TEKT4: variants seen among roughly 807,000 people sequenced by gnomAD.
TEKT4 encodes tektin-4.
TEKT4 carries 46 observed loss-of-function variants against 46.0 expected under a neutral mutation model. The observed-to-expected ratio is 1.00, with a 90% CI of 0.79 to 1.28. The LOEUF is 1.28. Ranked by LOEUF, TEKT4 falls within the 50% of genes most tolerant of loss-of-function variation. The probability of loss-of-function intolerance (pLI) is 0.00; values close to 1 mark genes in which losing one functional copy is unlikely to be tolerated. For synonymous variants in TEKT4, 325 were observed against 265.8 expected (o/e 1.22, Z -2.17); for missense variants, 790 against 622.9 (o/e 1.27, Z -2.85).
At chr2:94,873,623 G>C in intron 2 of TEKT4, 33 bp downstream of exon 2, 3 of 1,612,936 alleles carry the variant, frequency 1.9e-6, no homozygotes, top group Non-Finnish European at 2.5e-6. Context: ...GATGATTCCT[G>C]ACCCTACCCA....
At chr2:94,876,253 G>C (rs184809214) in intron 5 of TEKT4, among the ~76,000 whole-genome samples, 70 of 152,270 alleles carry the variant, frequency 4.6e-4, no homozygotes, top group African/African-American at 1.7e-3. Flanking sequence ...GGAACTGGGG[G>C]CCTCCTTCCA....
At chr2:94,872,498 C>T (rs1282395102) in intron 1 of TEKT4, 6 of 315,150 alleles carry the variant, frequency 1.9e-5, no homozygotes, top group Non-Finnish European at 1.9e-5. Flanking sequence ...TATACAGAGC[C>T]GGGGACACAA....
rs782222012 is a variant in TEKT4, at chr2:94,871,784, A to C, written c.205A>C (p.Ser69Arg). 1.5e-5 allele frequency: 24 copies of C among 1,611,868 alleles called. No homozygotes were observed. In the East Asian group the frequency reaches 4.9e-4, roughly 33 times the overall value. The change falls in exon 1 of 6, where the codon AGC (serine) becomes CGC (arginine). Residue 69 changes from serine (S) to arginine (R), a missense_variant. By Grantham distance (110) the Ser-to-Arg change is moderately radical. Coordinates refer to ENST00000295201, the MANE Select transcript of TEKT4 (RefSeq NM_144705.4). ...RDQSERQRHE[S>R]QQLATETQAL... is the part of the protein sequence containing the mutation. Reference sequence around the variant, plus strand: ...CCAGTCGGAGCGGCAGCGGCACGAGAGCCAGCAGCTGGCCACAGAGACCCA... The same window carrying C: ...CCAGTCGGAGCGGCAGCGGCACGAGCGCCAGCAGCTGGCCACAGAGACCCA...
rs1241284283 is a variant in TEKT4, at chr2:94,876,784, C to A, written c.*15C>A. 6.2e-6 allele frequency: 10 copies of A among 1,600,178 alleles called. No individual in the cohort carries two copies. The highest frequency in any genetic ancestry group is 6.8e-6 in the Non-Finnish European group (8 of 1,178,266). On this transcript the variant is annotated 3_prime_UTR_variant, in exon 6 of 6. Coordinates refer to ENST00000295201, the MANE Select transcript of TEKT4 (RefSeq NM_144705.4). Reference sequence around the variant, plus strand: ...GCTACCAGTGAGCAGCGGCACGGTGCTTCCCCCCAGTCCCCCAAATAAACA... The same window carrying A: ...GCTACCAGTGAGCAGCGGCACGGTGATTCCCCCCAGTCCCCCAAATAAACA...
chr2:94,871,496 G>GC lies in TEKT4; in HGVS notation c.-80dup, dbSNP rs869254023. 6 of 1,447,692 alleles carry GC rather than the reference G, an allele frequency of 4.1e-6. No individual in the cohort carries two copies. 89.7% of individuals were successfully genotyped at this position (1,447,692 alleles called of 1,614,324 possible). A position where few individuals can be genotyped will look rare whatever the true frequency, so the allele number is the denominator to read the frequency against. On this transcript the variant is annotated 5_prime_UTR_variant, in exon 1 of 6. Transcript: ENST00000295201. ...GCTCTGGGACTGAGCCGTTGGAGCT[G>GC]CCCCGCTGACCGCACTAGGCTGACC...
rs1553396762 is a variant in TEKT4 at position 94,876,720 on chromosome 2, C to T, written c.1259C>T (p.Ala420Val). Residue 420 changes from alanine to valine, a missense_variant, in exon 6 of 6, where the codon GCC (alanine) becomes GTC (valine). By Grantham distance (64) the Ala-to-Val change is moderately conservative (BLOSUM62 0). Transcript: ENST00000295201. The part of the protein sequence containing the change: ...SLFIDRQKCM[A>V]HRTRYPTILQ... Reference sequence around the variant, plus strand: ...TTCATCGACCGCCAGAAGTGCATGGCCCATCGTACTCGCTACCCCACCATC... The same window carrying T: ...TTCATCGACCGCCAGAAGTGCATGGTCCATCGTACTCGCTACCCCACCATC... The T allele has an allele frequency of 1.3e-5, 21 of 1,611,606 alleles. No individual in the cohort carries two copies. The Admixed American group carries it at 2.8e-4, about 22-fold the overall frequency.
At chr2:94,872,594 G>A in intron 1 of TEKT4, 4 of 338,266 alleles carry the variant, frequency 1.2e-5, no homozygotes, top group South Asian at 9.8e-5. Context: ...AGCCCCACAG[G>A]GTGAGAGAGT....
rs782720502 is a variant in TEKT4, at chr2:94,873,475, C to T, written c.499-45C>T. The T allele has an allele frequency of 9.9e-6, 16 of 1,611,458 alleles. No individual in the cohort carries two copies. In the East Asian group the frequency reaches 2.2e-4, roughly 22 times the overall value. Reference sequence around the variant, plus strand: ...TGCAGCAGCTGGGCCTCCTGGGATCCTCACCAGGGACTGGCTCTGGTGCTC... The same window carrying T: ...TGCAGCAGCTGGGCCTCCTGGGATCTTCACCAGGGACTGGCTCTGGTGCTC... On this transcript the variant is annotated intron_variant, in intron 1 of 5. Transcript: ENST00000295201.
intron 1 of TEKT4, 84 bp from the exon 2 acceptor site, chr2:94,873,436 T>TCAA: frequency 6.2e-7 from 1 of 1,604,094 alleles, no homozygotes; most frequent in South Asian, 1.1e-5. Flanking sequence ...GTTGCTCAGG[T>TCAA]GTTGACCAAG....
intron 1 of TEKT4, chr2:94,872,997 G>A (rs553317953): frequency 5.4e-6 from 7 of 1,289,342 alleles, no homozygotes; most frequent in South Asian, 1.2e-5. Flanking sequence ...CAGTGGTTGA[G>A]GCAAAGACCC....
Position 94,875,740 on chromosome 2 carries a change from C to G in TEKT4, c.1089C>G (p.Phe363Leu). Residue 363 changes from phenylalanine (F) to leucine (L), a missense_variant and splice_region_variant, in exon 5 of 6, where the codon TTC (phenylalanine) becomes TTG (leucine). Phe to Leu is a conservative substitution (Grantham distance 22). Coordinates refer to ENST00000295201, the MANE Select transcript of TEKT4 (RefSeq NM_144705.4). Reference sequence around the variant, plus strand: ...AGCTGTGCCGTGACGCAGCCCAGTTCAGGTGCTGCCTGGGCCTCTGAGGCA... The same window carrying G: ...AGCTGTGCCGTGACGCAGCCCAGTTGAGGTGCTGCCTGGGCCTCTGAGGCA... The part of the protein sequence containing the change: ...NMELCRDAAQ[F>L]RLLSEVEELN... 1 of 1,613,412 alleles carries G rather than the reference C, an allele frequency of 6.2e-7. No individual in the cohort carries two copies. Among genetic ancestry groups the G allele is most frequent in the Non-Finnish European group, 8.5e-7 (1 of 1,179,592 alleles).
chr2:94,874,665 A>G (rs1328685577), intron 3 of TEKT4, 111 bp from the exon 4 acceptor site: 16 of 999,008 alleles, frequency 1.6e-5, no homozygotes, highest in Non-Finnish European at 2.0e-5. Flanking sequence ...ATCGGAGTCC[A>G]TGCACGTCCT....
intron 5 of TEKT4, 44 bp downstream of exon 5, chr2:94,875,786 C>G: frequency 6.3e-7 from 1 of 1,589,676 alleles, no homozygotes; most frequent in Non-Finnish European, 8.6e-7. Context: ...GCCCTGTCCA[C>G]CTCCTCCCTG....
At position 94,874,841 on chromosome 2, in the gene TEKT4, G is replaced by T; in HGVS notation, c.779G>T (p.Arg260Leu). ...QDNLCRAQRE[R>L]LASANLRVLV... ...AATCTGTGCCGTGCCCAGCGCGAGCGCCTGGCCTCGGCCAACCTGCGGGTG... is the reference window on the plus strand; with the variant it reads ...AATCTGTGCCGTGCCCAGCGCGAGCTCCTGGCCTCGGCCAACCTGCGGGTG... Residue 260 changes from arginine to leucine, a missense_variant, in exon 4 of 6, where the codon CGC becomes CTC. By Grantham distance (102) the Arg-to-Leu change is moderately radical. Transcript: ENST00000295201. 1 of 1,607,010 alleles carries T rather than the reference G, an allele frequency of 6.2e-7. No individual in the cohort carries two copies.
In TEKT4 at chr2:94,874,952, A is replaced by G. The variant is rs1553395932; in HGVS notation, c.890A>G (p.Glu297Gly). The change falls in exon 4 of 6, where the codon GAG (glutamate) becomes GGG (glycine). Residue 297 changes from glutamate (E) to glycine (G), a missense_variant. By Grantham distance (98) the Glu-to-Gly change is moderately conservative. Transcript: ENST00000295201. ...AACCTGGCCTTCGGGCGCCGCTGTG[A>G]GGAGCTGGAGGACGCGCGGTACAAG... The part of the protein sequence containing the change: ...AVNLAFGRRC[E>G]ELEDARYKLH... The G allele has an allele frequency of 6.2e-7, 1 of 1,611,226 alleles. No homozygotes were observed. Among genetic ancestry groups the G allele is most frequent in the Admixed American group, 1.7e-5 (1 of 59,892 alleles).
intron 1 of TEKT4, 56 bp downstream of exon 1, chr2:94,872,133 C>T (rs1430328054): frequency 1.3e-5 from 19 of 1,476,034 alleles, no homozygotes; most frequent in Admixed American, 4.3e-5. Context: ...GGAGCCCCCC[C>T]CCCCGCAGTT....
chr2:94,871,553 C>T lies in TEKT4; in HGVS notation c.-27C>T, dbSNP rs1454956754. On this transcript the variant is annotated 5_prime_UTR_variant, in exon 1 of 6. Transcript: ENST00000295201. ...GGCTGACCACACACAGTCCTCACTCCCCTGGCCCTGGTGGGCGGCAGGCAC... is the reference window on the plus strand; with the variant it reads ...GGCTGACCACACACAGTCCTCACTCTCCTGGCCCTGGTGGGCGGCAGGCAC... 1.3e-6 allele frequency: 2 copies of T among 1,567,134 alleles called. No homozygotes were observed. Among genetic ancestry groups the T allele is most frequent in the African/African-American group, 1.3e-5 (1 of 74,190 alleles).
chr2:94,876,270 A>G (rs1680849218), intron 5 of TEKT4, among the ~76,000 whole-genome samples: 1 of 152,098 alleles, frequency 6.6e-6, no homozygotes, highest in Non-Finnish European at 1.5e-5. Flanking sequence ...TCCATCAAGT[A>G]TCAGGAATGG....
intron 1 of TEKT4, chr2:94,872,767 TCCCTC>T: frequency 7.9e-7 from 1 of 1,259,448 alleles, no homozygotes; most frequent in Non-Finnish European, 1.0e-6. Flanking sequence ...AACCCTTGAG[TCCCTC>T]CCTCCCCTCA....
Sources: allele counts gnomAD v4.1 joint callset (sites outside exome capture counted in the v4.1 genomes callset), GRCh38; gene constraint gnomAD v4.1.1; transcripts MANE v1.5; gene names NCBI Gene and HGNC (gene_info 2026-07-23, HGNC 2026-07-21).